The following ADAM19 variants were observed in gnomAD, a reference collection of about 807,000 sequenced individuals.
The protein encoded by ADAM19 is disintegrin and metalloproteinase domain-containing protein 19.
In ADAM19, 65 loss-of-function variants were observed where a neutral mutation model predicts 114.7. The observed-to-expected ratio is 0.57, with a 90% confidence interval of 0.46 to 0.70. The LOEUF (loss-of-function observed/expected upper bound fraction) is 0.70. ADAM19 is among the 30% of genes least tolerant of loss of function. ADAM19 has a pLI of 0.00. For missense variants in ADAM19, 1,063 were observed against 1,204.7 expected, an observed-to-expected ratio of 0.88 and a Z score of 1.74; for synonymous variants, 466 against 460.5, an observed-to-expected ratio of 1.01 and a Z score of -0.15.
chr5:157,558,047 A>T (rs1020697934), intron 3 of ADAM19, among the ~76,000 whole-genome samples: 2 of 152,318 alleles, frequency 1.3e-5, no homozygotes, highest in Middle Eastern at 6.8e-3. Flanking sequence ...ATGCAAATGA[A>T]ATCATTCTCA....
In ADAM19 at chr5:157,479,281, C is replaced by A; in HGVS notation, c.*1668G>T. The A allele has an allele frequency of 1.0e-6, 1 of 985,904 alleles. No homozygotes were observed. Among genetic ancestry groups the A allele is most frequent in the Non-Finnish European group, 1.2e-6 (1 of 829,958 alleles). 61.1% of individuals were successfully genotyped at this position (985,904 alleles called of 1,614,324 possible). ...CACTTATTTCCAAACCCAAGAACAT[C>A]CAAGAAGCACCTATTGTGTGCAGAG... On this transcript the variant is annotated 3_prime_UTR_variant, in exon 23 of 23. Transcript: ENST00000257527.
chr5:157,528,487 G>A lies in ADAM19; in HGVS notation c.407+2320C>T, dbSNP rs188443747. Among the ~76,000 whole-genome samples the A allele has an allele frequency of 6.6e-5, 10 of 152,296 alleles. No individual in the cohort carries two copies. In the East Asian group the frequency reaches 1.5e-3, roughly 23 times the overall value. ...TGTTTACTTGCAGACTGCAGGTGGC[G>A]GTGGCTGGGCTTGTAAATACCACTG... On this transcript the variant is annotated intron_variant, in intron 5 of 22. Coordinates refer to ENST00000257527, the MANE Select transcript of ADAM19 (RefSeq NM_033274.5).
chr5:157,555,381 T>A (rs544348340), intron 3 of ADAM19, among the ~76,000 whole-genome samples: 3 of 152,338 alleles, frequency 2.0e-5, no homozygotes, highest in African/African-American at 7.2e-5. Context: ...CAGCCAGAAG[T>A]TCCCTAAGGG....
At position 157,539,905 on chromosome 5, in the gene ADAM19, T is replaced by C. The variant is rs573715125; in HGVS notation, c.252-1914A>G. ...CTTAACTAGTTACCGAATGAATGGA[T>C]GGATGAGTAGTTCAGTGTACTAGCA... On this transcript the variant is annotated intron_variant, in intron 3 of 22. Coordinates refer to ENST00000257527, the MANE Select transcript of ADAM19 (RefSeq NM_033274.5). Among the ~76,000 whole-genome samples, 19 of 152,342 alleles carry C rather than the reference T, an allele frequency of 1.2e-4. No homozygotes were observed. The South Asian group carries it at 2.1e-3, about 17-fold the overall frequency.
At chr5:157,503,573 A>C (rs575971381) in intron 11 of ADAM19, among the ~76,000 whole-genome samples, 11 of 152,188 alleles carry the variant, frequency 7.2e-5, no homozygotes, top group Non-Finnish European at 1.6e-4. Flanking sequence ...GTCGGCATGC[A>C]GAAAGCATTT....
chr5:157,517,290 A>C (rs1033519040), intron 7 of ADAM19, among the ~76,000 whole-genome samples: 2 of 152,220 alleles, frequency 1.3e-5, no homozygotes, highest in African/African-American at 4.8e-5. Context: ...AACTATGTGG[A>C]TGGGATACAG....
intron 22 of ADAM19, 57 bp downstream of exon 22, chr5:157,481,734 G>A: frequency 6.4e-7 from 1 of 1,552,300 alleles, no homozygotes. Flanking sequence ...CTCTACACCT[G>A]CCCCCCTGGA....
Position 157,480,254 on chromosome 5 carries a change from A to G in ADAM19, c.*695T>C, listed in dbSNP as rs1754704431. 1 of 985,760 alleles carries G rather than the reference A, an allele frequency of 1.0e-6. No homozygotes were observed. Among genetic ancestry groups the G allele is most frequent in the Admixed American group, 6.1e-5 (1 of 16,276 alleles). 61.1% of individuals were successfully genotyped at this position (985,760 alleles called of 1,614,324 possible). A position where few individuals can be genotyped will look rare whatever the true frequency, so the allele number is the denominator to read the frequency against. The stretch of plus-strand genomic sequence containing the variant: ...AACCTTTGGCATCACGGCTCAGAGG[A>G]AGCCCAAGCCCGGTGCTCCTCCTGC... On this transcript the variant is annotated 3_prime_UTR_variant, in exon 23 of 23. Coordinates refer to ENST00000257527, the MANE Select transcript of ADAM19 (RefSeq NM_033274.5).
chr5:157,512,465 C>T (rs956553047), intron 8 of ADAM19, among the ~76,000 whole-genome samples: 2 of 152,144 alleles, frequency 1.3e-5, no homozygotes, highest in African/African-American at 2.4e-5. Context: ...GTGCAATAAA[C>T]GTTACCAGAT....
In ADAM19 at chr5:157,479,711, T is replaced by C; in HGVS notation, c.*1238A>G. The C allele has an allele frequency of 1.6e-5, 16 of 986,106 alleles. No homozygotes were observed. Among genetic ancestry groups the C allele is most frequent in the Non-Finnish European group, 1.9e-5 (16 of 830,246 alleles). The allele number at this position is 986,106 out of a possible 1,614,324, so 61.1% of individuals were successfully genotyped here. A position where few individuals can be genotyped will look rare whatever the true frequency, so the allele number is the denominator to read the frequency against. ...GGGTTGAGGAAGAGGCTCCCTGCTCTGACTGTTCCAGTGCAGCTGCTGCTG... is the reference window on the plus strand; with the variant it reads ...GGGTTGAGGAAGAGGCTCCCTGCTCCGACTGTTCCAGTGCAGCTGCTGCTG... On this transcript the variant is annotated 3_prime_UTR_variant, in exon 23 of 23. Coordinates refer to ENST00000257527, the MANE Select transcript of ADAM19 (RefSeq NM_033274.5).
At position 157,481,773 on chromosome 5, in the gene ADAM19, G is replaced by C; in HGVS notation, c.2703+18C>G. The C allele has an allele frequency of 6.4e-7, 1 of 1,562,434 alleles. No homozygotes were observed. Among genetic ancestry groups the C allele is most frequent in the South Asian group, 1.2e-5 (1 of 85,008 alleles). On this transcript the variant is annotated intron_variant, in intron 22 of 22. Transcript: ENST00000257527. ...CTCTGGTACCAGCTTTCACCTTGAG[G>C]GCTTCCCGTGGACTCACCTTTGGGG... is the stretch of plus-strand genomic sequence containing the variant.
At chr5:157,513,608 T>G in intron 7 of ADAM19, 103 bp from the exon 8 acceptor site, 7 of 1,043,192 alleles carry the variant, frequency 6.7e-6, no homozygotes, top group Non-Finnish European at 1.0e-5. Context: ...TTCTTCTGTC[T>G]TCTATGAGCC....
chr5:157,481,080 C>A, intron 22 of ADAM19, 78 bp from the exon 23 acceptor site: 5 of 1,589,770 alleles, frequency 3.1e-6, no homozygotes, highest in South Asian at 2.2e-5. Context: ...GCCATCCTCC[C>A]GATTTTAGAA....
chr5:157,548,783 G>A (rs73297239), intron 3 of ADAM19, among the ~76,000 whole-genome samples: 1 of 152,112 alleles, frequency 6.6e-6, no homozygotes, highest in Admixed American at 6.5e-5. Context: ...TTTTTCTCCA[G>A]GATAGTCATG....
chr5:157,512,927 G>C (rs1021248122), intron 8 of ADAM19, among the ~76,000 whole-genome samples: 22 of 152,090 alleles, frequency 1.4e-4, no homozygotes, highest in Admixed American at 4.6e-4. Flanking sequence ...GAGAATCCCT[G>C]GGCTTTGTAT....
rs1447640808 is a variant in ADAM19 at position 157,502,913 on chromosome 5, C to T, written c.1198G>A (p.Gly400Ser). ...GGCATGTTGGAGAGACACATTCCAC[C>T]ACCTGACTGCAGATACCTGTCCAGC... ...RELDRYLQSG[G>S]GMCLSNMPDT... Residue 400 changes from glycine (G) to serine (S), a missense_variant, in exon 12 of 23, where the codon GGT (glycine) becomes AGT (serine). Around this residue, in one of 3 missense-constraint regions of ADAM19, gnomAD observed 615 missense variants for 706.3 expected, o/e 0.87. Transcript: ENST00000257527. 1.2e-6 allele frequency: 2 copies of T among 1,614,172 alleles called. No individual in the cohort carries two copies. The highest frequency in any genetic ancestry group is 1.1e-5 in the South Asian group (1 of 91,076).
chr5:157,549,515 C>T (rs540619529), intron 3 of ADAM19, among the ~76,000 whole-genome samples: 1 of 152,312 alleles, frequency 6.6e-6, no homozygotes, highest in African/African-American at 2.4e-5. Context: ...TCATCTCCCT[C>T]CCTCATCAAA....
rs1432541122 is a variant in ADAM19 at position 157,477,678 on chromosome 5, A to G, written c.*3271T>C. 1.6e-6 allele frequency: 2 copies of G among 1,289,764 alleles called. No homozygotes were observed. The highest frequency in any genetic ancestry group is 1.1e-4 in the East Asian group (2 of 18,026). The allele number at this position is 1,289,764 out of a possible 1,614,324, so 79.9% of individuals were successfully genotyped here. On this transcript the variant is annotated 3_prime_UTR_variant, in exon 23 of 23. Coordinates refer to ENST00000257527, the MANE Select transcript of ADAM19 (RefSeq NM_033274.5). ...CAGAGCTGTTATACACGTGGTTAAC[A>G]CAATTACTGACTTTGGAACTGGTCC...
chr5:157,552,371 G>T (rs62388528), intron 3 of ADAM19, among the ~76,000 whole-genome samples: 35,605 of 151,788 alleles, frequency 0.23, 4,221 homozygotes, highest in South Asian at 0.37. Flanking sequence ...AAATCAGTGG[G>T]CCAGGCACGG....
Sources: gnomAD v4.1 joint callset for allele counts (sites outside exome capture counted in the v4.1 genomes callset) on GRCh38, gnomAD v4.1.1 for gene constraint, gnomAD v4.1.1 regional missense constraint, MANE v1.5 for transcripts, NCBI Gene and HGNC (gene_info 2026-07-23, HGNC 2026-07-21) for gene names.